SGSM1: variants seen among roughly 807,000 people sequenced by gnomAD.
SGSM1 encodes the protein small G protein signaling modulator 1.
Under a neutral mutation model 133.8 loss-of-function variants are expected in SGSM1, and 73 were observed. That is an observed-to-expected ratio of 0.55 (90% CI 0.45 to 0.66). SGSM1 has a LOEUF of 0.66. Ranked by LOEUF, SGSM1 falls within the 30% of genes least tolerant of loss-of-function variation. The pLI, the probability that SGSM1 is intolerant of heterozygous loss-of-function variation, is 0.00. For synonymous variants in SGSM1, 563 were observed against 573.0 expected (o/e 0.98, Z 0.25); for missense variants, 1,213 against 1,448.1 (o/e 0.84, Z 2.64).
At chr22:24,905,310 T>A in intron 21 of SGSM1, 123 bp downstream of exon 21, 1 of 896,666 alleles carries the variant, frequency 1.1e-6, no homozygotes, top group Non-Finnish European at 1.9e-6. Flanking sequence ...TGAAGGCCTG[T>A]CTGGTGAACA....
intron 21 of SGSM1, among the ~76,000 whole-genome samples, chr22:24,910,118 A>G (rs928787886): frequency 1.3e-5 from 2 of 152,238 alleles, no homozygotes; most frequent in African/African-American, 2.4e-5. Context: ...GTGTGATTCC[A>G]TTTATATGAA....
intron 12 of SGSM1, among the ~76,000 whole-genome samples, chr22:24,876,150 G>A (rs960863928): frequency 1.3e-5 from 2 of 152,034 alleles, no homozygotes; most frequent in African/African-American, 2.4e-5. Flanking sequence ...GCACTTGGGT[G>A]CCCTGCCTCA....
intron 21 of SGSM1, among the ~76,000 whole-genome samples, chr22:24,911,923 C>T (rs898468556): frequency 2.9e-4 from 44 of 151,976 alleles, no homozygotes; most frequent in Non-Finnish European, 5.7e-4. Flanking sequence ...GGCTTGGTGG[C>T]GGGCGCCTGT....
rs200355301 is a variant in SGSM1, at chr22:24,855,606, G to A, written c.727G>A (p.Asp243Asn). The change falls in exon 8 of 25, where the codon GAC becomes AAC. Residue 243 changes from aspartate (D) to asparagine (N), a missense_variant. Coordinates refer to ENST00000400358, the MANE Select transcript of SGSM1 (RefSeq NM_001098497.3). Reference protein sequence around the residue: ...MDDRPSLSARDYVESLHQNSR... With the variant: ...MDDRPSLSARNYVESLHQNSR... ...TGACCGGCCATCCCTCTCTGCCCGC[G>A]ACTACGTGGAGTCCCTGCATCAGAA... The A allele has an allele frequency of 2.4e-5, 39 of 1,613,784 alleles. No homozygotes were observed. The highest frequency in any genetic ancestry group is 2.9e-5 in the Non-Finnish European group (34 of 1,179,884).
intron 2 of SGSM1, among the ~76,000 whole-genome samples, chr22:24,817,743 C>G (rs1928191101): frequency 6.6e-6 from 1 of 152,194 alleles, no homozygotes; most frequent in Non-Finnish European, 1.5e-5. Context: ...TTGTTTGGGG[C>G]TGGTGTAACA....
chr22:24,845,941 T>TTCTTTC (rs1555924222), intron 3 of SGSM1, among the ~76,000 whole-genome samples: 1 of 115,622 alleles, frequency 8.6e-6, no homozygotes, highest in Non-Finnish European at 1.8e-5. Context: ...TTTTCTTTTC[T>TTCTTTC]TTTCTTTCTT....
At position 24,886,566 on chromosome 22, in the gene SGSM1, G is replaced by A. The variant is rs556310749; in HGVS notation, c.1642-34G>A. ...TAAAACCACCCCCTGGTTTTCTGTT[G>A]ACCAAACTCTTTGCTCCTCTCCACC... On this transcript the variant is annotated intron_variant, in intron 15 of 24. Transcript: ENST00000400358. 1.0e-5 allele frequency: 16 copies of A among 1,545,914 alleles called. No individual in the cohort carries two copies. The East Asian group carries it at 3.9e-4, about 38-fold the overall frequency.
chr22:24,862,537 T>G (rs1250653852), intron 9 of SGSM1, among the ~76,000 whole-genome samples: 1 of 152,174 alleles, frequency 6.6e-6, no homozygotes, highest in Non-Finnish European at 1.5e-5. Flanking sequence ...TGCCACAGGT[T>G]GTAGTACATA....
At chr22:24,910,291 G>A (rs1229777126) in intron 21 of SGSM1, among the ~76,000 whole-genome samples, 1 of 152,154 alleles carries the variant, frequency 6.6e-6, no homozygotes, top group Non-Finnish European at 1.5e-5. Context: ...ACAACATTGT[G>A]AATGTACTAA....
Position 24,854,927 on chromosome 22 carries a change from C to A in SGSM1, c.456-69C>A, listed in dbSNP as rs1347623310. The A allele has an allele frequency of 1.1e-5, 14 of 1,311,006 alleles. No individual in the cohort carries two copies. The East Asian group carries it at 2.9e-4, about 27-fold the overall frequency. The allele number at this position is 1,311,006 out of a possible 1,614,324, so 81.2% of individuals were successfully genotyped here. ...TAACCGAGTGACACTGGGGATTGAA[C>A]TCTCATCTGTGGATTGTGCGTCCTC... On this transcript the variant is annotated intron_variant, in intron 5 of 24. Coordinates refer to ENST00000400358, the MANE Select transcript of SGSM1 (RefSeq NM_001098497.3).
In SGSM1 at chr22:24,893,503, C is replaced by T; in HGVS notation, c.1843C>T (p.Gln615Ter). 1.9e-6 allele frequency: 3 copies of T among 1,613,618 alleles called. No individual in the cohort carries two copies. Among genetic ancestry groups the T allele is most frequent in the Non-Finnish European group, 2.5e-6 (3 of 1,179,764 alleles). ...EWLGCEAIVR[Q>*]RERESHAAAL... ...GCTGGGCTGCGAGGCGATCGTGCGG[C>T]AGAGGGAGCGGGAGTCCCATGCGGC... Residue 615 changes from glutamine to a stop codon, truncating the protein, a stop_gained, in exon 17 of 25, where the codon CAG (glutamine) becomes TAG (stop). Coordinates refer to ENST00000400358, the MANE Select transcript of SGSM1 (RefSeq NM_001098497.3). LOFTEE classifies it high-confidence loss of function.
intron 24 of SGSM1, among the ~76,000 whole-genome samples, chr22:24,922,176 T>C (rs1314976881): frequency 7.0e-6 from 1 of 143,108 alleles, no homozygotes; most frequent in Non-Finnish European, 1.5e-5. Flanking sequence ...TGGCACTTAC[T>C]TTCTTTTTTT....
rs780959351 is a variant in SGSM1 at position 24,850,415 on chromosome 22, C to T, written c.438C>T (p.Tyr146=). ...AGGTCCTGGACAAAATTGTGCATTACCTTGTGGAAAACAGCAGGTGAGAGG... is the reference window on the plus strand; with the variant it reads ...AGGTCCTGGACAAAATTGTGCATTATCTTGTGGAAAACAGCAGGTGAGAGG... ...FEKVLDKIVH[Y]LVENSSKYYE... The change falls in exon 5 of 25, where the codon TAC becomes TAT. Residue 146 remains tyrosine (Y), a synonymous_variant. Coordinates refer to ENST00000400358, the MANE Select transcript of SGSM1 (RefSeq NM_001098497.3). 6 of 1,613,936 alleles carry T rather than the reference C, an allele frequency of 3.7e-6. No individual in the cohort carries two copies. In the South Asian group the frequency reaches 6.6e-5, roughly 18 times the overall value.
At chr22:24,897,763 C>T (rs115789862) in intron 18 of SGSM1, among the ~76,000 whole-genome samples, 2,995 of 152,260 alleles carry the variant, frequency 0.02, 90 homozygotes, top group African/African-American at 0.067. Flanking sequence ...GCCACCATGC[C>T]CAGCCTAGAT....
intron 13 of SGSM1, among the ~76,000 whole-genome samples, chr22:24,879,131 G>A (rs186548070): frequency 1.7e-4 from 26 of 152,222 alleles, no homozygotes; most frequent in Non-Finnish European, 2.9e-4. Flanking sequence ...AAAGTCCCAG[G>A]GCTAATTCTC....
At chr22:24,875,142 T>G (rs1016976729) in intron 12 of SGSM1, among the ~76,000 whole-genome samples, 5 of 152,136 alleles carry the variant, frequency 3.3e-5, no homozygotes, top group African/African-American at 1.2e-4. Context: ...AGTTGTCCTG[T>G]GGGGACCATG....
At chr22:24,865,877 A>C (rs2147870354) in intron 9 of SGSM1, among the ~76,000 whole-genome samples, 1 of 152,236 alleles carries the variant, frequency 6.6e-6, no homozygotes, top group South Asian at 2.1e-4. Flanking sequence ...TGACTGTTAG[A>C]GGAGTTCCTT....
At chr22:24,834,481 C>T (rs996424695) in intron 2 of SGSM1, among the ~76,000 whole-genome samples, 2 of 152,176 alleles carry the variant, frequency 1.3e-5, no homozygotes, top group South Asian at 4.1e-4. Flanking sequence ...TAATAGTTGA[C>T]ATGGAGATCA....
At chr22:24,904,004 A>AAG (rs1362095617) in intron 20 of SGSM1, among the ~76,000 whole-genome samples, 94 of 96,640 alleles carry the variant, frequency 9.7e-4, no homozygotes, top group East Asian at 1.8e-3. Flanking sequence ...AAAAGGAAAA[A>AAG]GAAAAAGAAA....
Sources: gnomAD v4.1 joint callset for allele counts (sites outside exome capture counted in the v4.1 genomes callset) on GRCh38, gnomAD v4.1.1 for gene constraint, MANE v1.5 for transcripts, NCBI Gene and HGNC (gene_info 2026-07-23, HGNC 2026-07-21) for gene names.